Variants in KCNAB1 observed in about 807,000 individuals in gnomAD.
The protein encoded by KCNAB1 is potassium voltage-gated channel subfamily A regulatory beta subunit 1.
Under a neutral mutation model 64.6 loss-of-function variants are expected in KCNAB1, and 35 were observed. The observed-to-expected ratio is 0.54, with a 90% CI of 0.41 to 0.72. KCNAB1 has a LOEUF of 0.72. Ranked by LOEUF, KCNAB1 falls within the 30% of genes least tolerant of loss-of-function variation. The pLI, the probability that KCNAB1 is intolerant of heterozygous loss-of-function variation, is 0.00. For missense variants in KCNAB1, 401 were observed against 512.9 expected (o/e 0.78, Z 2.11); for synonymous variants, 177 against 183.8 (o/e 0.96, Z 0.30).
At chr3:156,398,767 A>T (rs181929310) in intron 1 of KCNAB1, among the ~76,000 whole-genome samples, 7 of 151,304 alleles carry the variant, frequency 4.6e-5, no homozygotes, top group African/African-American at 1.2e-4. Context: ...TAAAGTAGAA[A>T]TTTTTAAAAG....
intron 1 of KCNAB1, among the ~76,000 whole-genome samples, chr3:156,220,503 G>T (rs1715645432): frequency 1.3e-5 from 2 of 152,178 alleles, no homozygotes; most frequent in African/African-American, 4.8e-5. Flanking sequence ...TCTGTTGGCT[G>T]CATAAATGTC....
At chr3:156,298,434 A>G (rs948529507) in intron 1 of KCNAB1, among the ~76,000 whole-genome samples, 3 of 152,158 alleles carry the variant, frequency 2.0e-5, no homozygotes, top group African/African-American at 4.8e-5. Flanking sequence ...TTAGAAGTAC[A>G]CTCATTTTAA....
intron 1 of KCNAB1, among the ~76,000 whole-genome samples, chr3:156,138,397 C>A (rs1047066278): frequency 1.3e-5 from 2 of 152,180 alleles, no homozygotes; most frequent in East Asian, 3.8e-4. Flanking sequence ...TACTTCCCCA[C>A]CCCGGCAGTG....
intron 1 of KCNAB1, chr3:156,143,311 C>T: frequency 1.2e-6 from 2 of 1,613,424 alleles, no homozygotes; most frequent in Admixed American, 1.7e-5. Context: ...GGCCTGCAAA[C>T]CTGTGAGGCC....
chr3:156,345,481 G>A, intron 1 of KCNAB1, among the ~76,000 whole-genome samples: 1 of 152,160 alleles, frequency 6.6e-6, no homozygotes, highest in East Asian at 1.9e-4. Context: ...TTAGTTTGAG[G>A]GTGTTCCATT....
At position 156,170,441 on chromosome 3, in the gene KCNAB1, A is replaced by G. The variant is rs1711892808; in HGVS notation, c.275+49555A>G. Among the ~76,000 whole-genome samples, 7 of 152,072 alleles carry G rather than the reference A, an allele frequency of 4.6e-5. No individual in the cohort carries two copies. In the South Asian group the frequency reaches 1.4e-3, roughly 31 times the overall value. ...TGGAGGTACAGGTCATTACTTGCAA[A>G]TTGCCAAGTCCTGTTTAAGCCACAA... On this transcript the variant is annotated intron_variant, in intron 1 of 13. Coordinates refer to ENST00000490337, the MANE Select transcript of KCNAB1 (RefSeq NM_172160.3).
In KCNAB1 at chr3:156,414,578, G is replaced by T. The variant is rs1448830751; in HGVS notation, c.276-7038G>T. ...AAACAGTAACATGAGTACTTATGGGGTTTCTTGCCTACACTGAGAATGGAA... is the reference window on the plus strand; with the variant it reads ...AAACAGTAACATGAGTACTTATGGGTTTTCTTGCCTACACTGAGAATGGAA... On this transcript the variant is annotated intron_variant, in intron 1 of 13. Transcript: ENST00000490337. Among the ~76,000 whole-genome samples the T allele has an allele frequency of 2.0e-5, 3 of 152,136 alleles. No homozygotes were observed. The East Asian group carries it at 5.8e-4, about 29-fold the overall frequency.
intron 8 of KCNAB1, among the ~76,000 whole-genome samples, chr3:156,501,523 C>T (rs894086633): frequency 1.4e-5 from 2 of 146,230 alleles, no homozygotes; most frequent in South Asian, 2.2e-4. Flanking sequence ...CCTCTGCCTG[C>T]GAGGTTCAAG....
chr3:156,208,830 A>G (rs1015227395), intron 1 of KCNAB1, among the ~76,000 whole-genome samples: 11 of 152,254 alleles, frequency 7.2e-5, no homozygotes, highest in African/African-American at 2.4e-4. Flanking sequence ...CAAAGGTTCT[A>G]TAGTGAAACC....
chr3:156,441,308 G>C (rs952126184), intron 2 of KCNAB1: 1 of 152,048 alleles, frequency 6.6e-6, no homozygotes, highest in Non-Finnish European at 1.5e-5. Flanking sequence ...ATATATCCCT[G>C]CACAAAGGTA....
At chr3:156,447,888 A>G (rs372457867) in intron 2 of KCNAB1, among the ~76,000 whole-genome samples, 8 of 152,244 alleles carry the variant, frequency 5.3e-5, no homozygotes, top group Admixed American at 2.0e-4. Context: ...TCTCATCTAA[A>G]TGTCTAAATA....
chr3:156,378,312 G>A (rs1711867024), intron 1 of KCNAB1, among the ~76,000 whole-genome samples: 1 of 152,078 alleles, frequency 6.6e-6, no homozygotes, highest in African/African-American at 2.4e-5. Flanking sequence ...AGGATTGAAA[G>A]CCACTATTTG....
In KCNAB1 at chr3:156,516,138, A is replaced by G. The variant is rs1243746034; in HGVS notation, c.866-132A>G. On this transcript the variant is annotated intron_variant, in intron 10 of 13. Coordinates refer to ENST00000490337, the MANE Select transcript of KCNAB1 (RefSeq NM_172160.3). ...TTGTAATGGAAAAAAATGCATGCTG[A>G]TATTAACTCATTTATCTGGCCAGCT... is the stretch of plus-strand genomic sequence containing the variant. 2.1e-5 allele frequency: 13 copies of G among 612,876 alleles called. No individual in the cohort carries two copies. In the South Asian group the frequency reaches 2.3e-4, roughly 11 times the overall value. The allele number at this position is 612,876 out of a possible 1,614,324, so 38.0% of individuals were successfully genotyped here.
At chr3:156,392,089 G>A (rs1255022405) in intron 1 of KCNAB1, among the ~76,000 whole-genome samples, 2 of 152,106 alleles carry the variant, frequency 1.3e-5, no homozygotes, top group Non-Finnish European at 2.9e-5. Flanking sequence ...TCCACCATCT[G>A]AGGTCTCTCC....
rs181106800 is a variant in KCNAB1 at position 156,204,542 on chromosome 3, G to T, written c.275+83656G>T. On this transcript the variant is annotated intron_variant, in intron 1 of 13. Transcript: ENST00000490337. ...CTATCCATTTGAATAGAAATAAGGGGCAAGCTGGCCGGCCATGGTGGCTCA... is the reference window on the plus strand; with the variant it reads ...CTATCCATTTGAATAGAAATAAGGGTCAAGCTGGCCGGCCATGGTGGCTCA... Among the ~76,000 whole-genome samples, 37 of 152,252 alleles carry T rather than the reference G, an allele frequency of 2.4e-4. No homozygotes were observed. The East Asian group carries it at 4.8e-3, about 20-fold the overall frequency.
At chr3:156,328,210 A>G (rs760387669) in intron 1 of KCNAB1, among the ~76,000 whole-genome samples, 1 of 152,136 alleles carries the variant, frequency 6.6e-6, no homozygotes, top group Non-Finnish European at 1.5e-5. Context: ...ACGATGGTAA[A>G]TGAGGCTGGA....
At chr3:156,145,330 A>G (rs948200830) in intron 1 of KCNAB1, among the ~76,000 whole-genome samples, 12 of 152,262 alleles carry the variant, frequency 7.9e-5, no homozygotes, top group African/African-American at 2.9e-4. Context: ...ACATTTCTCC[A>G]TTACCCACTC....
At chr3:156,377,264 C>T (rs1304361898) in intron 1 of KCNAB1, among the ~76,000 whole-genome samples, 3 of 152,128 alleles carry the variant, frequency 2.0e-5, no homozygotes, top group East Asian at 3.9e-4. Flanking sequence ...GTACCCCTTC[C>T]TGACCAATGA....
At chr3:156,129,361 TTTAGCC>T (rs1713862021) in intron 1 of KCNAB1, among the ~76,000 whole-genome samples, 2 of 152,212 alleles carry the variant, frequency 1.3e-5, no homozygotes, top group Non-Finnish European at 2.9e-5. Context: ...GAGTTTAAAA[TTTAGCC>T]TTAGCTATAC....
Sources: gnomAD v4.1 joint callset for allele counts (sites outside exome capture counted in the v4.1 genomes callset) on GRCh38, gnomAD v4.1.1 for gene constraint, MANE v1.5 for transcripts, NCBI Gene and HGNC (gene_info 2026-07-23, HGNC 2026-07-21) for gene names.